CA2: variants seen among roughly 807,000 people sequenced by gnomAD.
The protein encoded by CA2 is carbonate dehydratase II.
CA2 carries 23 observed loss-of-function variants against 27.8 expected under a neutral mutation model. That is an observed-to-expected ratio of 0.83 (90% CI 0.59 to 1.17). CA2 has a LOEUF of 1.17. Ranked by LOEUF, CA2 falls within the 50% of genes most tolerant of loss-of-function variation. The pLI is 0.00. For missense variants in CA2, 300 were observed against 314.7 expected (o/e 0.95, Z 0.35); for synonymous variants, 99 against 114.9 (o/e 0.86, Z 0.88).
intron 2 of CA2, 103 bp from the exon 3 acceptor site, chr8:85,473,590 G>A (rs1811740359): frequency 1.7e-5 from 12 of 710,358 alleles, no homozygotes; most frequent in South Asian, 9.0e-5. Context: ...TAATATTTAG[G>A]CATGTGTTTC....
intron 2 of CA2, chr8:85,473,468 G>A (rs1454876108): frequency 1.5e-6 from 1 of 655,518 alleles, no homozygotes; most frequent in Non-Finnish European, 2.8e-6. Flanking sequence ...AATAAAAACA[G>A]GTAAAGTGAT....
At chr8:85,469,259 T>C (rs1811679021) in intron 2 of CA2, among the ~76,000 whole-genome samples, 1 of 152,214 alleles carries the variant, frequency 6.6e-6, no homozygotes, top group African/African-American at 2.4e-5. Context: ...TTCATTTACC[T>C]GTCTTCTTTG....
intron 2 of CA2, among the ~76,000 whole-genome samples, chr8:85,472,844 A>G (rs1357070180): frequency 6.6e-6 from 1 of 151,868 alleles, no homozygotes; most frequent in Non-Finnish European, 1.5e-5. Context: ...TACAAAAATT[A>G]ACTGGACATG....
chr8:85,475,922 G>A, intron 5 of CA2, 62 bp downstream of exon 5: 1 of 1,388,304 alleles, frequency 7.2e-7, no homozygotes, highest in Non-Finnish European at 1.0e-6. Flanking sequence ...ATTGGTTTTA[G>A]AAATTTCTTT....
intron 3 of CA2, chr8:85,474,027 A>C: frequency 1.6e-6 from 1 of 608,558 alleles, no homozygotes; most frequent in Non-Finnish European, 2.9e-6. Context: ...CCATTTGCAA[A>C]AAGTAAACGG....
chr8:85,473,639 G>A, intron 2 of CA2, 54 bp from the exon 3 acceptor site: 1 of 818,266 alleles, frequency 1.2e-6, no homozygotes, highest in Non-Finnish European at 2.1e-6. Context: ...ATGTATATAT[G>A]TGTATGCAGA....
chr8:85,466,665 CAT>C (rs1811635276), intron 2 of CA2, among the ~76,000 whole-genome samples: 1 of 72,970 alleles, frequency 1.4e-5, no homozygotes, highest in Admixed American at 1.9e-4. Flanking sequence ...CCAGTACACA[CAT>C]ACATACATAC....
intron 2 of CA2, among the ~76,000 whole-genome samples, chr8:85,465,849 A>T (rs1172045826): frequency 2.0e-5 from 3 of 152,236 alleles, no homozygotes; most frequent in Non-Finnish European, 4.4e-5. Flanking sequence ...TATCCATTAA[A>T]AAGTATATCT....
chr8:85,473,831 T>A lies in CA2; in HGVS notation c.351+20T>A. 1 of 1,306,614 alleles carries A rather than the reference T, an allele frequency of 7.7e-7. No homozygotes were observed. 80.9% of individuals were successfully genotyped at this position (1,306,614 alleles called of 1,614,324 possible). Reference sequence around the variant, plus strand: ...GCAGAAGTAAGATATACTTTTTTTTTTCTTTCCAGGGAAAAATGTTTATAA... The same window carrying A: ...GCAGAAGTAAGATATACTTTTTTTTATCTTTCCAGGGAAAAATGTTTATAA... On this transcript the variant is annotated intron_variant, in intron 3 of 6. Coordinates refer to ENST00000285379, the MANE Select transcript of CA2 (RefSeq NM_000067.3).
intron 5 of CA2, 32 bp downstream of exon 5, chr8:85,475,892 G>C (rs1372705174): frequency 3.8e-6 from 6 of 1,578,198 alleles, no homozygotes; most frequent in Non-Finnish European, 5.2e-6. Context: ...CCTCCTTAGG[G>C]TACCAATTTT....
At chr8:85,477,036 T>TA in intron 5 of CA2, 84 bp from the exon 6 acceptor site, 1 of 1,306,138 alleles carries the variant, frequency 7.7e-7, no homozygotes, top group South Asian at 1.2e-5. Context: ...GAGGGGAGTA[T>TA]ACCTATTTGT....
rs1456656974 is a variant in CA2 at position 85,464,125 on chromosome 8, G to A, written c.34+10G>A. The A allele has an allele frequency of 6.5e-7, 1 of 1,537,978 alleles. No individual in the cohort carries two copies. Among genetic ancestry groups the A allele is most frequent in the South Asian group, 1.2e-5 (1 of 83,070 alleles). ...TACGGCAAACACAACGGTGAGTGCC[G>A]GCGACGGCCAGCGCGGGGGCGCCCC... On this transcript the variant is annotated intron_variant, in intron 1 of 6. Coordinates refer to ENST00000285379, the MANE Select transcript of CA2 (RefSeq NM_000067.3).
At chr8:85,467,307 G>A (rs149286182) in intron 2 of CA2, among the ~76,000 whole-genome samples, 12 of 152,310 alleles carry the variant, frequency 7.9e-5, no homozygotes, top group Non-Finnish European at 1.2e-4. Flanking sequence ...TAGAGCTGCC[G>A]GCAACTAGCT....
At chr8:85,473,038 AAT>A (rs1218904048) in intron 2 of CA2, among the ~76,000 whole-genome samples, 18 of 139,518 alleles carry the variant, frequency 1.3e-4, no homozygotes, top group African/African-American at 3.7e-4. Context: ...ATAAATAAAT[AAT>A]AAAAAAAATT....
chr8:85,475,209 AC>A (rs1811775027), intron 4 of CA2, among the ~76,000 whole-genome samples: 1 of 151,660 alleles, frequency 6.6e-6, no homozygotes, highest in African/African-American at 2.4e-5. Flanking sequence ...CAAAACAAAA[AC>A]AAAAACACAA....
intron 4 of CA2, 132 bp downstream of exon 4, chr8:85,474,548 T>A (rs2130559656): frequency 1.3e-6 from 1 of 759,932 alleles, no homozygotes; most frequent in African/African-American, 1.7e-5. Flanking sequence ...TTTTCAAGTT[T>A]ATCTCCTCCT....
chr8:85,464,854 C>T (rs528085328), intron 1 of CA2: 27 of 179,696 alleles, frequency 1.5e-4, no homozygotes, highest in Middle Eastern at 2.5e-3. Flanking sequence ...GGGGTGGGCC[C>T]GGGCCTGGGC....
chr8:85,475,698 C>T, intron 4 of CA2, 100 bp from the exon 5 acceptor site: 1 of 1,046,682 alleles, frequency 9.6e-7, no homozygotes, highest in South Asian at 1.3e-5. Flanking sequence ...AATTTGGGCT[C>T]ACTATTTGGA....
Position 85,465,301 on chromosome 8 carries a change from A to G in CA2, c.64A>G (p.Ile22Val). 6.2e-7 allele frequency: 1 copy of G among 1,614,092 alleles called. No homozygotes were observed. The highest frequency in any genetic ancestry group is 8.5e-7 in the Non-Finnish European group (1 of 1,179,976). Residue 22 changes from isoleucine to valine, a missense_variant, in exon 2 of 7, where the codon ATT (isoleucine) becomes GTT (valine). Physicochemically the swap from Ile to Val is conservative, Grantham distance 29. Around this residue, in one of 3 missense-constraint regions of CA2, gnomAD observed 122 missense variants for 133.2 expected, o/e 0.92. Transcript: ENST00000285379. ...TGAGCACTGGCATAAGGACTTCCCC[A>G]TTGCCAAGGGAGAGCGCCAGTCCCC... is the stretch of plus-strand genomic sequence containing the variant. ...GPEHWHKDFP[I>V]AKGERQSPVD...
Sources: gnomAD v4.1 joint callset for allele counts (sites outside exome capture counted in the v4.1 genomes callset) on GRCh38, gnomAD v4.1.1 for gene constraint, gnomAD v4.1.1 regional missense constraint, MANE v1.5 for transcripts, NCBI Gene and HGNC (gene_info 2026-07-23, HGNC 2026-07-21) for gene names.